Variants in ITPRID1 observed in about 807,000 individuals in gnomAD.
The protein encoded by ITPRID1 is ITPR interacting domain containing 1, also known as protein ITPRID1.
In ITPRID1, 96 loss-of-function variants were observed where a neutral mutation model predicts 95.4. That is an observed-to-expected ratio of 1.01 (90% CI 0.85 to 1.19). The LOEUF (loss-of-function observed/expected upper bound fraction) is 1.19. Ranked by LOEUF, ITPRID1 falls within the 50% of genes most tolerant of loss-of-function variation. The pLI is 0.00. For synonymous variants in ITPRID1, 510 were observed against 453.6 expected (o/e 1.12, Z -1.58); for missense variants, 1,339 against 1,252.9 (o/e 1.07, Z -1.04).
chr7:31,580,906 T>TA (rs1264846160), intron 9 of ITPRID1, among the ~76,000 whole-genome samples: 1 of 152,056 alleles, frequency 6.6e-6, no homozygotes, highest in Non-Finnish European at 1.5e-5. Context: ...CCTAAAATAA[T>TA]AAAAAAGAAA....
In ITPRID1 at chr7:31,643,336, C is replaced by A. The variant is rs1318664695; in HGVS notation, c.1966C>A (p.Leu656Ile). ...TGAAATCACACCTTATGCAACTGAC[C>A]TTGCTCAAACATCTGAAAAGCTCAT... Reference protein sequence around the residue: ...HSEITPYATDLAQTSEKLIPH... With the variant: ...HSEITPYATDIAQTSEKLIPH... Residue 656 changes from leucine (L) to isoleucine (I), a missense_variant, in exon 12 of 15, where the codon CTT becomes ATT. Leu to Ile is a conservative substitution (Grantham distance 5). Coordinates refer to ENST00000615280, the MANE Select transcript of ITPRID1 (RefSeq NM_001257967.3). 1 of 1,613,990 alleles carries A rather than the reference C, an allele frequency of 6.2e-7. No individual in the cohort carries two copies. The highest frequency in any genetic ancestry group is 8.5e-7 in the Non-Finnish European group (1 of 1,179,884).
At chr7:31,548,860 T>C (rs1784188349) in intron 1 of ITPRID1, among the ~76,000 whole-genome samples, 2 of 152,064 alleles carry the variant, frequency 1.3e-5, no homozygotes, top group Non-Finnish European at 2.9e-5. Context: ...ATGAATGGCA[T>C]CATGGTTGGG....
At chr7:31,651,892 C>A in intron 13 of ITPRID1, 47 bp from the exon 14 acceptor site, 1 of 1,368,472 alleles carries the variant, frequency 7.3e-7, no homozygotes, top group Non-Finnish European at 1.0e-6. Flanking sequence ...AAGATTGCAC[C>A]TGGGAAGGAT....
At chr7:31,657,054 C>CAT (rs1374773161), downstream of ITPRID1, among the ~76,000 whole-genome samples, 242 of 136,818 alleles carry the variant, frequency 1.8e-3, 1 homozygote, top group African/African-American at 6.6e-3. Flanking sequence ...CACACACACA[C>CAT]GCACTATATA....
downstream of ITPRID1, among the ~76,000 whole-genome samples, chr7:31,657,812 A>T (rs953288246): frequency 6.6e-6 from 1 of 152,222 alleles, no homozygotes; most frequent in Non-Finnish European, 1.5e-5. Flanking sequence ...ACTTCTCATT[A>T]TGAGACCAAA....
In ITPRID1 at chr7:31,519,620, CTA is replaced by C. The variant is rs750544823; in HGVS notation, c.-98+5525_-98+5526del. Reference sequence around the variant, plus strand: ...TCTCTCTCTCTCTCTCTCTCTCTCTCTATATATATATATATATATATATATAA... The same window carrying C: ...TCTCTCTCTCTCTCTCTCTCTCTCTCTATATATATATATATATATATATAA... On this transcript the variant is annotated intron_variant, in intron 1 of 14. Transcript: ENST00000615280. Among the ~76,000 whole-genome samples the C allele has an allele frequency of 6.9e-3, 174 of 25,242 alleles. 2 individuals carry two copies. Among genetic ancestry groups the C allele is most frequent in the Non-Finnish European group, 8.4e-3 (115 of 13,716 alleles). 16.6% of individuals were successfully genotyped at this position (25,242 alleles called of 152,430 possible). A position where few individuals can be genotyped will look rare whatever the true frequency, so the allele number is the denominator to read the frequency against.
At chr7:31,516,523 G>A (rs375069405) in intron 1 of ITPRID1, among the ~76,000 whole-genome samples, 6 of 152,166 alleles carry the variant, frequency 3.9e-5, no homozygotes, top group East Asian at 3.8e-4. Flanking sequence ...GGCTGAGTTA[G>A]AGATGCCATA....
intron 9 of ITPRID1, among the ~76,000 whole-genome samples, chr7:31,578,791 C>T (rs1293826923): frequency 6.6e-6 from 1 of 152,144 alleles, no homozygotes; most frequent in Non-Finnish European, 1.5e-5. Flanking sequence ...CAACTACTTC[C>T]CACTCAGTGA....
chr7:31,594,963 C>T (rs1562595424), intron 10 of ITPRID1, among the ~76,000 whole-genome samples: 2 of 151,128 alleles, frequency 1.3e-5, no homozygotes, highest in East Asian at 3.9e-4. Context: ...TAATTAATAA[C>T]ATGTACTCAA....
intron 10 of ITPRID1, among the ~76,000 whole-genome samples, chr7:31,639,116 AT>A (rs1485676041): frequency 1.2e-4 from 19 of 152,124 alleles, no homozygotes; most frequent in Non-Finnish European, 2.2e-4. Flanking sequence ...AGTTTTCTTC[AT>A]GTTTCTGGTG....
intron 12 of ITPRID1, among the ~76,000 whole-genome samples, chr7:31,647,435 G>T (rs542146253): frequency 6.6e-6 from 1 of 151,966 alleles, no homozygotes; most frequent in Non-Finnish European, 1.5e-5. Context: ...GCCAAGATGG[G>T]TGGATCACCT....
At chr7:31,612,881 G>A (rs966969560) in intron 10 of ITPRID1, among the ~76,000 whole-genome samples, 1 of 152,132 alleles carries the variant, frequency 6.6e-6, no homozygotes, top group African/African-American at 2.4e-5. Flanking sequence ...GTTTTTCAAA[G>A]TCCACTATTA....
intron 8 of ITPRID1, among the ~76,000 whole-genome samples, chr7:31,575,205 T>G (rs1785138754): frequency 6.6e-6 from 1 of 152,144 alleles, no homozygotes; most frequent in South Asian, 2.1e-4. Flanking sequence ...AGCACTAATA[T>G]GTACCGTAGC....
Position 31,652,670 on chromosome 7 carries a change from G to A in ITPRID1, c.2976G>A (p.Glu992=). The change falls in exon 15 of 15, where the codon GAG becomes GAA. Residue 992 remains glutamate, a synonymous_variant. Transcript: ENST00000615280. ...RTVFPPDDGQ[E]APCSGGTQLA... ...TGTTTCCTCCCGATGATGGCCAGGAGGCTCCCTGTTCAGGTGGGACCCAGT... is the reference window on the plus strand; with the variant it reads ...TGTTTCCTCCCGATGATGGCCAGGAAGCTCCCTGTTCAGGTGGGACCCAGT... 1 of 1,613,888 alleles carries A rather than the reference G, an allele frequency of 6.2e-7. No homozygotes were observed. The highest frequency in any genetic ancestry group is 8.5e-7 in the Non-Finnish European group (1 of 1,179,862).
chr7:31,601,490 C>A (rs1014830156), intron 10 of ITPRID1, among the ~76,000 whole-genome samples: 1 of 152,098 alleles, frequency 6.6e-6, no homozygotes, highest in Admixed American at 6.5e-5. Context: ...TGCCCCTGGT[C>A]AAGTGCTCTG....
Position 31,554,881 on chromosome 7 carries a change from A to G in ITPRID1, c.236A>G (p.Gln79Arg). 1 of 1,583,026 alleles carries G rather than the reference A, an allele frequency of 6.3e-7. No homozygotes were observed. Among genetic ancestry groups the G allele is most frequent in the Non-Finnish European group, 8.6e-7 (1 of 1,162,380 alleles). ...AGTGTCTCTGCAAATGAAAACTTTC[A>G]ACAAGTCATTGACCGCACTGGTAAG... Reference protein sequence around the residue: ...GFFVSANENFQQVIDRTVSLY... With the variant: ...GFFVSANENFRQVIDRTVSLY... The change falls in exon 5 of 15, where the codon CAA (glutamine) becomes CGA (arginine). Residue 79 changes from glutamine (Q) to arginine (R), a missense_variant. Coordinates refer to ENST00000615280, the MANE Select transcript of ITPRID1 (RefSeq NM_001257967.3).
chr7:31,623,694 C>T (rs1016700453), intron 10 of ITPRID1, among the ~76,000 whole-genome samples: 18 of 127,956 alleles, frequency 1.4e-4, no homozygotes, highest in African/African-American at 4.1e-4. Flanking sequence ...AAAACTGGCA[C>T]AAGACAGTTT....
At chr7:31,631,859 T>C (rs10235053) in intron 10 of ITPRID1, among the ~76,000 whole-genome samples, 7,185 of 152,254 alleles carry the variant, frequency 0.047, 488 homozygotes, top group African/African-American at 0.15. Flanking sequence ...TTATTTTCAA[T>C]AACTACTACT....
intron 1 of ITPRID1, among the ~76,000 whole-genome samples, chr7:31,522,636 G>T (rs1783301820): frequency 6.6e-6 from 1 of 152,178 alleles, no homozygotes; most frequent in Non-Finnish European, 1.5e-5. Context: ...TCTCCTGTTT[G>T]CTTATGATCT....
Sources: gnomAD v4.1 joint callset for allele counts (sites outside exome capture counted in the v4.1 genomes callset) on GRCh38, gnomAD v4.1.1 for gene constraint, MANE v1.5 for transcripts, NCBI Gene and HGNC (gene_info 2026-07-23, HGNC 2026-07-21) for gene names.